PPP1R14C: variants seen among roughly 807,000 people sequenced by gnomAD.
PPP1R14C encodes protein phosphatase 1 regulatory inhibitor subunit 14C.
A neutral mutation model predicts 20.4 loss-of-function variants in PPP1R14C; 16 were observed. The ratio of observed to expected loss-of-function variants is 0.78; its 90% CI spans 0.53 to 1.19. PPP1R14C has a LOEUF of 1.19. PPP1R14C is among the 50% of genes most tolerant of loss of function. PPP1R14C has a pLI of 0.00. For synonymous variants in PPP1R14C, 91 were observed against 91.0 expected, an observed-to-expected ratio of 1.00 and a Z score of 0.00; for missense variants, 211 against 220.1, an observed-to-expected ratio of 0.96 and a Z score of 0.26.
chr6:150,228,452 C>T (rs1348639741), intron 3 of PPP1R14C, among the ~76,000 whole-genome samples: 1 of 152,210 alleles, frequency 6.6e-6, no homozygotes, highest in Admixed American at 6.5e-5. Flanking sequence ...TTCCACTTGT[C>T]TCCTCCCTGT....
At chr6:150,149,036 G>A (rs1292854444) in intron 1 of PPP1R14C, among the ~76,000 whole-genome samples, 1 of 152,022 alleles carries the variant, frequency 6.6e-6, no homozygotes, top group Non-Finnish European at 1.5e-5. Context: ...CTGTACTCCA[G>A]CCTGGGCAAC....
intron 1 of PPP1R14C, among the ~76,000 whole-genome samples, chr6:150,163,638 T>TTTG (rs973852013): frequency 8.5e-5 from 13 of 152,130 alleles, no homozygotes; most frequent in African/African-American, 1.4e-4. Context: ...TGTCTGTTTT[T>TTTG]TTGTTGTTGT....
chr6:150,233,385 A>C (rs967635939), intron 3 of PPP1R14C, among the ~76,000 whole-genome samples: 21 of 152,226 alleles, frequency 1.4e-4, no homozygotes, highest in African/African-American at 4.3e-4. Context: ...TATACACGAG[A>C]GTTAAGTTCC....
chr6:150,172,054 C>T (rs145457496), intron 1 of PPP1R14C, among the ~76,000 whole-genome samples: 3,232 of 152,204 alleles, frequency 0.021, 45 homozygotes, highest in Middle Eastern at 0.044. Context: ...GTGATCCGCC[C>T]GCCTTGGCCT....
At position 150,181,496 on chromosome 6, in the gene PPP1R14C, A is replaced by G. The variant is rs138386067; in HGVS notation, c.307-33248A>G. ...AAAAGTTCTCGAATATTTAATTATT[A>G]GCTATCAATGTTCTTTTCTGCTGCC... is the stretch of plus-strand genomic sequence containing the variant. On this transcript the variant is annotated intron_variant, in intron 1 of 3. Transcript: ENST00000361131. 2.7e-3 allele frequency among the ~76,000 whole-genome samples: 414 copies of G among 152,298 alleles called. 2 individuals carry two copies. Among genetic ancestry groups the G allele is most frequent in the Non-Finnish European group, 4.3e-3 (292 of 68,028 alleles).
At chr6:150,233,632 G>A (rs532435603) in intron 3 of PPP1R14C, among the ~76,000 whole-genome samples, 27 of 152,230 alleles carry the variant, frequency 1.8e-4, no homozygotes, top group Admixed American at 4.6e-4. Flanking sequence ...TGTAAGGAGC[G>A]CCCCCCTCCC....
chr6:150,214,981 T>C (rs1189635105), intron 2 of PPP1R14C, among the ~76,000 whole-genome samples, 154 bp downstream of exon 2: 1 of 152,224 alleles, frequency 6.6e-6, no homozygotes, highest in African/African-American at 2.4e-5. Flanking sequence ...GGCTGCTAAG[T>C]GTTCACTCTC....
intron 1 of PPP1R14C, among the ~76,000 whole-genome samples, chr6:150,207,297 CA>C (rs1299039812): frequency 1.3e-5 from 2 of 152,248 alleles, no homozygotes; most frequent in Non-Finnish European, 2.9e-5. Context: ...ACTGGAAAGG[CA>C]TATGCTTGTT....
chr6:150,197,326 T>C (rs1777817160), intron 1 of PPP1R14C, among the ~76,000 whole-genome samples: 1 of 152,240 alleles, frequency 6.6e-6, no homozygotes, highest in Non-Finnish European at 1.5e-5. Context: ...TTCTAGCCAC[T>C]GTCGTTGGTC....
rs901751808 is a variant in PPP1R14C, at chr6:150,194,102, A to G, written c.307-20642A>G. 8.5e-5 allele frequency among the ~76,000 whole-genome samples: 13 copies of G among 152,304 alleles called. 1 individual carries two copies. The South Asian group carries it at 2.3e-3, about 27-fold the overall frequency. On this transcript the variant is annotated intron_variant, in intron 1 of 3. Transcript: ENST00000361131. ...TCTCTCTTGCTGCTGCCATGAAAGC[A>G]GTGCCTTCCGCCTTCTGCCATGATT...
At chr6:150,228,699 A>G (rs1778257904) in intron 3 of PPP1R14C, among the ~76,000 whole-genome samples, 2 of 152,120 alleles carry the variant, frequency 1.3e-5, no homozygotes, top group South Asian at 2.1e-4. Flanking sequence ...AAGTATACGA[A>G]GATGCTTTTT....
intron 1 of PPP1R14C, among the ~76,000 whole-genome samples, chr6:150,167,998 CCCCCTTGCTT>C (rs1777448843): frequency 2.7e-5 from 1 of 36,882 alleles, no homozygotes; most frequent in Non-Finnish European, 5.4e-5. Flanking sequence ...CTCTTCCTCT[CCCCCTTGCTT>C]TCCTCCCACC....
intron 1 of PPP1R14C, among the ~76,000 whole-genome samples, chr6:150,213,345 T>TC (rs531663261): frequency 0.13 from 13,850 of 109,782 alleles, 665 homozygotes; most frequent in Middle Eastern, 0.19. Context: ...TTTTGTGTTG[T>TC]AACACACACA....
At chr6:150,168,495 T>C (rs940832310) in intron 1 of PPP1R14C, among the ~76,000 whole-genome samples, 1 of 150,340 alleles carries the variant, frequency 6.7e-6, no homozygotes, top group African/African-American at 2.4e-5. Flanking sequence ...ATAGCGCCAC[T>C]ACACTCCAGC....
chr6:150,189,183 T>G (rs187179004), intron 1 of PPP1R14C, among the ~76,000 whole-genome samples: 1 of 151,736 alleles, frequency 6.6e-6, no homozygotes, highest in Admixed American at 6.5e-5. Context: ...TAATTAACCT[T>G]TGTTCACTCA....
intron 3 of PPP1R14C, among the ~76,000 whole-genome samples, chr6:150,227,514 G>C (rs1200207312): frequency 6.6e-6 from 1 of 152,218 alleles, no homozygotes; most frequent in Non-Finnish European, 1.5e-5. Flanking sequence ...GCACTTGCTA[G>C]AGGAAGCAGT....
Position 150,193,980 on chromosome 6 carries a change from T to TG in PPP1R14C, c.307-20758dup, listed in dbSNP as rs1303813563. Among the ~76,000 whole-genome samples the TG allele has an allele frequency of 3.9e-5, 6 of 152,242 alleles. No homozygotes were observed. In the South Asian group the frequency reaches 1.2e-3, roughly 32 times the overall value. On this transcript the variant is annotated intron_variant, in intron 1 of 3. Transcript: ENST00000361131. Reference sequence around the variant, plus strand: ...GACCCTGTGGGAGATCATTGAATCATGGGGGGCGGTTTCCCTGATACTGTT... The same window carrying TG: ...GACCCTGTGGGAGATCATTGAATCATGGGGGGGCGGTTTCCCTGATACTGTT...
Position 150,201,107 on chromosome 6 carries a change from G to A in PPP1R14C, c.307-13637G>A, listed in dbSNP as rs151055216. On this transcript the variant is annotated intron_variant, in intron 1 of 3. Transcript: ENST00000361131. The surrounding 1 kb of genome is among the most constrained non-coding windows in gnomAD (Gnocchi z 4.2). The stretch of plus-strand genomic sequence containing the variant: ...ACTAAGGAAGCGATCGGCCCTATTG[G>A]GCAGGATACTCAGACATTCCATCTG... Among the ~76,000 whole-genome samples the A allele has an allele frequency of 3.9e-5, 6 of 152,278 alleles. No homozygotes were observed. Among genetic ancestry groups the A allele is most frequent in the Admixed American group, 3.3e-4 (5 of 15,304 alleles).
intron 3 of PPP1R14C, among the ~76,000 whole-genome samples, chr6:150,226,307 C>A (rs983214039): frequency 6.6e-6 from 1 of 152,182 alleles, no homozygotes; most frequent in Non-Finnish European, 1.5e-5. Context: ...ATCTGACTTA[C>A]AGGTAGCAAA....
Sources: allele counts gnomAD v4.1 joint callset (sites outside exome capture counted in the v4.1 genomes callset), GRCh38; gene constraint gnomAD v4.1.1; non-coding constraint Gnocchi (gnomAD v3.1); transcripts MANE v1.5; gene names NCBI Gene and HGNC (gene_info 2026-07-23, HGNC 2026-07-21).